The following QKI variants were observed in gnomAD, a reference collection of about 807,000 sequenced individuals.
QKI encodes the protein QKI, KH domain containing RNA binding, also known as KH domain-containing RNA-binding protein QKI.
QKI carries 10 observed loss-of-function variants against 39.0 expected under a neutral mutation model. That is an observed-to-expected ratio of 0.26 (90% CI 0.16 to 0.43). The LOEUF (loss-of-function observed/expected upper bound fraction) is 0.43. Among genes scored for constraint, QKI ranks in the 20% least tolerant of loss-of-function variants. The pLI is 1.00. For synonymous variants in QKI, 204 were observed against 155.4 expected (o/e 1.31, Z -2.33); for missense variants, 218 against 428.0 (o/e 0.51, Z 4.33).
In QKI at chr6:163,534,987, G is replaced by C. The variant is rs138051763; in HGVS notation, c.408G>C (p.Glu136Asp). The C allele has an allele frequency of 5.6e-6, 9 of 1,597,300 alleles. No individual in the cohort carries two copies. The highest frequency in any genetic ancestry group is 4.1e-5 in the African/African-American group (3 of 74,038). The change falls in exon 4 of 8, where the codon GAG becomes GAC. Residue 136 changes from glutamate to aspartate, a missense_variant. Physicochemically the swap from Glu to Asp is conservative, Grantham distance 45. Coordinates refer to ENST00000361752, the MANE Select transcript of QKI (RefSeq NM_006775.3). ...GTACTCTGTAAATTTTTTAGGAGGA[G>C]CAAAATAGAGGCAAGCCCAATTGGG... ...KGSMRDKKKEEQNRGKPNWEH... is the reference protein window; with the variant it reads ...KGSMRDKKKEDQNRGKPNWEH...
At chr6:163,449,483 G>C (rs1790390109) in intron 1 of QKI, among the ~76,000 whole-genome samples, 1 of 152,142 alleles carries the variant, frequency 6.6e-6, no homozygotes, top group South Asian at 2.1e-4. Flanking sequence ...TATAACATCA[G>C]CATTGCAAGT....
chr6:163,439,280 G>A (rs975782955), intron 1 of QKI, among the ~76,000 whole-genome samples: 1 of 147,760 alleles, frequency 6.8e-6, no homozygotes, highest in Non-Finnish European at 1.5e-5. Context: ...TCAAGCGAAA[G>A]AATTTATTCT....
intron 3 of QKI, among the ~76,000 whole-genome samples, chr6:163,510,737 CAAA>C (rs1779396599): frequency 6.6e-6 from 1 of 151,950 alleles, no homozygotes; most frequent in Non-Finnish European, 1.5e-5. Flanking sequence ...TTCATAGTAA[CAAA>C]AGTTCATCAG....
chr6:163,445,132 A>G (rs1347457195), intron 1 of QKI, among the ~76,000 whole-genome samples: 1 of 152,146 alleles, frequency 6.6e-6, no homozygotes, highest in Non-Finnish European at 1.5e-5. Flanking sequence ...GTAATTCTTT[A>G]TTTTGAAATA....
chr6:163,441,018 CTGTGCAGGCTATGAATA>C (rs1290433403), intron 1 of QKI, among the ~76,000 whole-genome samples: 1 of 152,018 alleles, frequency 6.6e-6, no homozygotes, highest in Non-Finnish European at 1.5e-5. Flanking sequence ...TTAATTAGGA[CTGTGCAGGCTATGAATA>C]TAGGGTTTAT....
chr6:163,455,648 G>A (rs547150921), intron 2 of QKI, among the ~76,000 whole-genome samples: 2 of 152,144 alleles, frequency 1.3e-5, no homozygotes, highest in Admixed American at 1.3e-4. Context: ...TAGACTCTTG[G>A]GTTTCAAAAC....
At chr6:163,470,160 A>G (rs954281018) in intron 2 of QKI, among the ~76,000 whole-genome samples, 1 of 152,126 alleles carries the variant, frequency 6.6e-6, no homozygotes, top group African/African-American at 2.4e-5. Context: ...TTTTCTGCTG[A>G]GCACGTTTGC....
Position 163,478,777 on chromosome 6 carries a change from C to A in QKI, c.286-3C>A. On this transcript the variant is annotated splice_polypyrimidine_tract_variant and splice_region_variant and intron_variant, in intron 2 of 7. Transcript: ENST00000361752. ...TATAGTGATCCTTTTTTTTTTTTCTCAGTTTAATTTTGTTGGGAGAATCCT... is the reference window on the plus strand; with the variant it reads ...TATAGTGATCCTTTTTTTTTTTTCTAAGTTTAATTTTGTTGGGAGAATCCT... 6.5e-7 allele frequency: 1 copy of A among 1,527,156 alleles called. No individual in the cohort carries two copies. Among genetic ancestry groups the A allele is most frequent in the Admixed American group, 2.1e-5 (1 of 48,540 alleles). The allele number at this position is 1,527,156 out of a possible 1,614,324, so 94.6% of individuals were successfully genotyped here.
chr6:163,474,530 A>G (rs1000842149), intron 2 of QKI, among the ~76,000 whole-genome samples: 3 of 152,092 alleles, frequency 2.0e-5, no homozygotes, highest in African/African-American at 7.2e-5. Context: ...GAAAACTTAA[A>G]ATTATGATAT....
chr6:163,483,977 G>A (rs935778267), intron 3 of QKI, among the ~76,000 whole-genome samples: 29 of 152,222 alleles, frequency 1.9e-4, no homozygotes, highest in African/African-American at 6.5e-4. Flanking sequence ...CAGAATGAAT[G>A]TTGTGTTAGC....
At chr6:163,468,858 G>T (rs1022169806) in intron 2 of QKI, among the ~76,000 whole-genome samples, 23 of 151,626 alleles carry the variant, frequency 1.5e-4, no homozygotes, top group Admixed American at 1.3e-4. Context: ...CAAGGCAAAC[G>T]ATATTAACCT....
At position 163,565,500 on chromosome 6, in the gene QKI, A is replaced by C. The variant is rs1179054298; in HGVS notation, c.935-1221A>C. ...GCTTAGAAATAGCAAGAGGCACTGCAGTAAAACTTGTTTCTCATTGTAAAG... is the reference window on the plus strand; with the variant it reads ...GCTTAGAAATAGCAAGAGGCACTGCCGTAAAACTTGTTTCTCATTGTAAAG... On this transcript the variant is annotated intron_variant, in intron 6 of 7. Coordinates refer to ENST00000361752, the MANE Select transcript of QKI (RefSeq NM_006775.3). 8 of 988,386 alleles carry C rather than the reference A, an allele frequency of 8.1e-6. No individual in the cohort carries two copies. The South Asian group carries it at 2.8e-4, about 34-fold the overall frequency. The allele number at this position is 988,386 out of a possible 1,614,324, so 61.2% of individuals were successfully genotyped here. A position where few individuals can be genotyped will look rare whatever the true frequency, so the allele number is the denominator to read the frequency against.
intron 2 of QKI, among the ~76,000 whole-genome samples, chr6:163,477,092 G>A (rs944690415): frequency 2.0e-5 from 3 of 148,272 alleles, no homozygotes; most frequent in Admixed American, 1.4e-4. Flanking sequence ...TTCAGCTCAC[G>A]GCAACCTCCA....
In QKI at chr6:163,416,054, TGGGGGG is replaced by T. The variant is rs4055815; in HGVS notation, c.142+728_142+733del. On this transcript the variant is annotated intron_variant, in intron 1 of 7. Transcript: ENST00000361752. ...GGAGTTGAACTTCACTTTTCGGGGG[TGGGGGG>T]GGGGGGGGTGGAGTGCGAAATAACG... 238 of 96,596 alleles carry T rather than the reference TGGGGGG, an allele frequency of 2.5e-3. 6 individuals carry two copies. Among genetic ancestry groups the T allele is most frequent in the African/African-American group, 6.5e-3 (138 of 21,240 alleles). 6.0% of individuals were successfully genotyped at this position (96,596 alleles called of 1,614,324 possible). A position where few individuals can be genotyped will look rare whatever the true frequency, so the allele number is the denominator to read the frequency against.
chr6:163,454,389 CTTTTTTATA>C (rs1316045889), intron 1 of QKI, among the ~76,000 whole-genome samples: 21 of 152,094 alleles, frequency 1.4e-4, no homozygotes, highest in Admixed American at 1.4e-3. Flanking sequence ...TTGCTACTTC[CTTTTTTATA>C]TTTAATATTT....
chr6:163,491,884 T>C (rs16895056), intron 3 of QKI, among the ~76,000 whole-genome samples: 4,243 of 152,314 alleles, frequency 0.028, 193 homozygotes, highest in African/African-American at 0.096. Flanking sequence ...GCCATAGATA[T>C]AACTCCAGGA....
chr6:163,519,497 G>A (rs1271112652), intron 3 of QKI, among the ~76,000 whole-genome samples: 1 of 151,768 alleles, frequency 6.6e-6, no homozygotes, highest in African/African-American at 2.4e-5. Flanking sequence ...TTCAGGTTCT[G>A]GGCCTTCTAT....
chr6:163,417,379 T>C (rs113331162), intron 1 of QKI, among the ~76,000 whole-genome samples: 3 of 152,264 alleles, frequency 2.0e-5, no homozygotes, highest in African/African-American at 7.2e-5. Flanking sequence ...ATTCAAAGAC[T>C]ATAGGAGATT....
intron 3 of QKI, among the ~76,000 whole-genome samples, chr6:163,513,382 A>G (rs1217741555): frequency 1.3e-5 from 2 of 152,252 alleles, no homozygotes; most frequent in Non-Finnish European, 2.9e-5. Context: ...TACATAAAAT[A>G]CACAAAACAA....
Sources: gnomAD v4.1 joint callset for allele counts (sites outside exome capture counted in the v4.1 genomes callset) on GRCh38, gnomAD v4.1.1 for gene constraint, MANE v1.5 for transcripts, NCBI Gene and HGNC (gene_info 2026-07-23, HGNC 2026-07-21) for gene names.